Variants in DCN observed in about 807,000 individuals in gnomAD.
DCN encodes decorin.
Under a neutral mutation model 36.5 loss-of-function variants are expected in DCN, and 17 were observed. That is an observed-to-expected ratio of 0.47 (90% CI 0.32 to 0.70). The LOEUF (loss-of-function observed/expected upper bound fraction) is 0.70, where lower values mean the gene tolerates loss of function less well. Ranked by LOEUF, DCN falls within the 30% of genes least tolerant of loss-of-function variation. DCN has a pLI of 0.04. For missense variants in DCN, 389 were observed against 430.1 expected (o/e 0.90, Z 0.84); for synonymous variants, 163 against 161.4 (o/e 1.01, Z -0.07).
chr12:91,166,718 A>G (rs996417614), intron 2 of DCN, among the ~76,000 whole-genome samples: 13 of 152,154 alleles, frequency 8.5e-5, no homozygotes, highest in Admixed American at 3.3e-4. Flanking sequence ...TCATCCTAAA[A>G]TTTTATAACA....
chr12:91,172,930 TG>T, intron 2 of DCN: 1 of 549,782 alleles, frequency 1.8e-6, no homozygotes, highest in South Asian at 2.6e-5. Flanking sequence ...ATCACAGATA[TG>T]TATATATAAT....
chr12:91,157,063 A>T lies in DCN; in HGVS notation c.652+12T>A, dbSNP rs1881826575. On this transcript the variant is annotated intron_variant, in intron 5 of 7. Coordinates refer to ENST00000052754, the MANE Select transcript of DCN (RefSeq NM_001920.5). Reference sequence around the variant, plus strand: ...TAAATTTTTCAAAATGTTTTGGAGAATCTTCTATCACCTTGAGGAATGCTG... The same window carrying T: ...TAAATTTTTCAAAATGTTTTGGAGATTCTTCTATCACCTTGAGGAATGCTG... 1.3e-6 allele frequency: 2 copies of T among 1,526,864 alleles called. No individual in the cohort carries two copies. The highest frequency in any genetic ancestry group is 1.7e-5 in the Admixed American group (1 of 59,864). 94.6% of individuals were successfully genotyped at this position (1,526,864 alleles called of 1,614,324 possible).
intron 2 of DCN, among the ~76,000 whole-genome samples, chr12:91,165,972 T>C (rs1452156113): frequency 1.3e-5 from 2 of 152,182 alleles, no homozygotes; most frequent in African/African-American, 2.4e-5. Context: ...AACCGCTATG[T>C]CGAGAAAATC....
chr12:91,155,797 T>A (rs1881731540), intron 5 of DCN, among the ~76,000 whole-genome samples: 1 of 152,190 alleles, frequency 6.6e-6, no homozygotes, highest in Non-Finnish European at 1.5e-5. Context: ...TTATCATCTA[T>A]GTATCTATCT....
chr12:91,164,366 TAA>T (rs368050582), intron 3 of DCN, among the ~76,000 whole-genome samples: 5 of 73,652 alleles, frequency 6.8e-5, no homozygotes, highest in African/African-American at 2.1e-4. Flanking sequence ...TAGAGTATAA[TAA>T]AAAAAAAATT....
chr12:91,162,089 C>T (rs1345084429), intron 3 of DCN, among the ~76,000 whole-genome samples: 1 of 152,056 alleles, frequency 6.6e-6, no homozygotes, highest in African/African-American at 2.4e-5. Flanking sequence ...TACAGGAGCG[C>T]GCCACCATGC....
intron 3 of DCN, among the ~76,000 whole-genome samples, chr12:91,161,907 G>C (rs1049868588): frequency 2.0e-5 from 3 of 151,096 alleles, no homozygotes; most frequent in African/African-American, 7.3e-5. Flanking sequence ...TGTTGGACAC[G>C]TCAATAAATT....
At chr12:91,164,289 C>T (rs975149898) in intron 3 of DCN, among the ~76,000 whole-genome samples, 1 of 149,298 alleles carries the variant, frequency 6.7e-6, no homozygotes, top group African/African-American at 2.5e-5. Flanking sequence ...GTGGGTGCAG[C>T]GCACCAGCAT....
At chr12:91,163,267 G>A (rs1565781486) in intron 3 of DCN, among the ~76,000 whole-genome samples, 1 of 152,140 alleles carries the variant, frequency 6.6e-6, no homozygotes, top group African/African-American at 2.4e-5. Flanking sequence ...TATTGGGTTG[G>A]TCATTTCCCT....
Position 91,178,477 on chromosome 12 carries a change from C to T in DCN, c.76G>A (p.Asp26Asn), listed in dbSNP as rs1430133232. The change falls in exon 2 of 8, where the codon GAC (aspartate) becomes AAC (asparagine). Residue 26 changes from aspartate (D) to asparagine (N), a missense_variant. By Grantham distance (23) the Asp-to-Asn change is conservative. Transcript: ENST00000052754. ...GAAGCCTCATCTTCTAGCATAAAGT[C>T]AAATAAGCCTCTCTGTTGAAACGGT... is the stretch of plus-strand genomic sequence containing the variant. ...AGPFQQRGLF[D>N]FMLEDEASGI... The T allele has an allele frequency of 6.2e-7, 1 of 1,613,656 alleles. No individual in the cohort carries two copies. Among genetic ancestry groups the T allele is most frequent in the South Asian group, 1.1e-5 (1 of 91,052 alleles).
intron 5 of DCN, among the ~76,000 whole-genome samples, chr12:91,154,063 C>T (rs899895478): frequency 6.6e-6 from 1 of 151,980 alleles, no homozygotes; most frequent in Non-Finnish European, 1.5e-5. Context: ...GTAGAAAGAA[C>T]ATCTGATTGG....
chr12:91,171,797 G>T (rs900461477), intron 2 of DCN, among the ~76,000 whole-genome samples: 2 of 152,164 alleles, frequency 1.3e-5, no homozygotes, highest in African/African-American at 4.8e-5. Flanking sequence ...GACCCCAAGT[G>T]AGAACAGCCC....
intron 7 of DCN, among the ~76,000 whole-genome samples, chr12:91,147,826 G>A (rs1323019278): frequency 2.0e-5 from 3 of 151,996 alleles, no homozygotes; most frequent in Non-Finnish European, 4.4e-5. Context: ...TACGTAATAC[G>A]TTTTACTTGA....
At chr12:91,162,652 C>A (rs2121233604) in intron 3 of DCN, among the ~76,000 whole-genome samples, 1 of 152,240 alleles carries the variant, frequency 6.6e-6, no homozygotes, top group African/African-American at 2.4e-5. Context: ...TTATACGAAG[C>A]TGTGAACTCT....
chr12:91,177,337 A>G lies in DCN; in HGVS notation c.211+1005T>C, dbSNP rs1883352966. ...GTAGAAGTTGCATTTTTCTTCTGCA[A>G]ACTACTGCTAGAAAGCATGTTCTGA... On this transcript the variant is annotated intron_variant, in intron 2 of 7. Transcript: ENST00000052754. The G allele has an allele frequency of 1.8e-5, 9 of 488,952 alleles. 1 individual carries two copies. The South Asian group carries it at 3.1e-4, about 17-fold the overall frequency. The allele number at this position is 488,952 out of a possible 1,614,324, so 30.3% of individuals were successfully genotyped here. A position where few individuals can be genotyped will look rare whatever the true frequency, so the allele number is the denominator to read the frequency against.
At chr12:91,178,258 A>T in intron 2 of DCN, 84 bp downstream of exon 2, 1 of 1,239,286 alleles carries the variant, frequency 8.1e-7, no homozygotes, top group Non-Finnish European at 1.2e-6. Flanking sequence ...GAGAGATTAA[A>T]ACTGAAAATG....
chr12:91,163,756 G>A (rs897808935), intron 3 of DCN, among the ~76,000 whole-genome samples: 5 of 152,010 alleles, frequency 3.3e-5, no homozygotes, highest in South Asian at 2.1e-4. Context: ...ATTATATTTC[G>A]CTAAATGAAA....
chr12:91,164,775 C>A, intron 2 of DCN, 58 bp from the exon 3 acceptor site: 2 of 840,324 alleles, frequency 2.4e-6, no homozygotes, highest in South Asian at 2.7e-5. Flanking sequence ...GCTACAGAAT[C>A]ACACAGCATA....
intron 3 of DCN, among the ~76,000 whole-genome samples, chr12:91,158,966 A>T (rs1000667547): frequency 6.6e-6 from 1 of 152,200 alleles, no homozygotes; most frequent in African/African-American, 2.4e-5. Flanking sequence ...TCTCAAAAAA[A>T]AAAAAAGTTA....
Sources: allele counts gnomAD v4.1 joint callset (sites outside exome capture counted in the v4.1 genomes callset), GRCh38; gene constraint gnomAD v4.1.1; transcripts MANE v1.5; gene names NCBI Gene and HGNC (gene_info 2026-07-23, HGNC 2026-07-21).